The following GRIK4 variants were observed in gnomAD, a reference collection of about 807,000 sequenced individuals.
GRIK4 encodes glutamate receptor ionotropic, kainate 4.
Under a neutral mutation model 104.9 loss-of-function variants are expected in GRIK4, and 40 were observed. The observed-to-expected ratio is 0.38, with a 90% CI of 0.30 to 0.50. GRIK4 has a LOEUF of 0.50. Among genes scored for constraint, GRIK4 ranks in the 20% least tolerant of loss-of-function variants. The pLI, the probability that GRIK4 is intolerant of heterozygous loss-of-function variation, is 0.93. For synonymous variants in GRIK4, 485 were observed against 524.9 expected (o/e 0.92, Z 1.04); for missense variants, 1,047 against 1,308.1 (o/e 0.80, Z 3.08).
In GRIK4 at chr11:120,549,932, A is replaced by G. The variant is rs1172558037; in HGVS notation, c.-159+38045A>G. 6.6e-6 allele frequency among the ~76,000 whole-genome samples: 1 copy of G among 151,998 alleles called. No homozygotes were observed. Among genetic ancestry groups the G allele is most frequent in the African/African-American group, 2.4e-5 (1 of 41,374 alleles). On this transcript the variant is annotated intron_variant, in intron 1 of 20. Transcript: ENST00000527524. The surrounding 1 kb of genome is among the most constrained non-coding windows in gnomAD (Gnocchi z 4.7). ...TCAGCCATTTTGCTATCAATAAATT[A>G]CTCTTTATCATTTAAGGCAGTTTGA...
At chr11:120,798,135 AAG>A (rs1769551388) in intron 3 of GRIK4, among the ~76,000 whole-genome samples, 1 of 150,514 alleles carries the variant, frequency 6.6e-6, no homozygotes, top group South Asian at 2.1e-4. Context: ...CGGAGAGAAA[AAG>A]AGAGTGAGCT....
At chr11:120,768,416 G>A (rs1235556178) in intron 3 of GRIK4, among the ~76,000 whole-genome samples, 1 of 152,028 alleles carries the variant, frequency 6.6e-6, no homozygotes, top group Non-Finnish European at 1.5e-5. Flanking sequence ...CAACTTTACT[G>A]AATTCATTTA....
intron 1 of GRIK4, among the ~76,000 whole-genome samples, chr11:120,529,808 G>A (rs532933460): frequency 1.3e-5 from 2 of 152,212 alleles, no homozygotes; most frequent in African/African-American, 4.8e-5. Context: ...CAACAAAGGT[G>A]CTTTCACATC....
At chr11:120,762,616 A>G (rs1211526270) in intron 3 of GRIK4, among the ~76,000 whole-genome samples, 2 of 152,194 alleles carry the variant, frequency 1.3e-5, no homozygotes, top group African/African-American at 4.8e-5. Context: ...CGTTCCATCA[A>G]TACCTAGTTT....
At position 120,632,771 on chromosome 11, in the gene GRIK4, C is replaced by A. The variant is rs116296182; in HGVS notation, c.-158-20914C>A. 1.2e-3 allele frequency among the ~76,000 whole-genome samples: 180 copies of A among 152,188 alleles called. 1 individual carries two copies. The highest frequency in any genetic ancestry group is 4.2e-3 in the African/African-American group (176 of 41,540). On this transcript the variant is annotated intron_variant, in intron 1 of 20. Transcript: ENST00000527524. Reference sequence around the variant, plus strand: ...CCCTTGCACTACCACCAGCATCCCCCAGAGGCTTCTGTGTGCTCAGAGTTG... The same window carrying A: ...CCCTTGCACTACCACCAGCATCCCCAAGAGGCTTCTGTGTGCTCAGAGTTG...
rs115466647 is a variant in GRIK4, at chr11:120,797,530, C to T, written c.83-5163C>T. Among the ~76,000 whole-genome samples the T allele has an allele frequency of 6.3e-3, 958 of 152,304 alleles. 18 individuals carry two copies. The highest frequency in any genetic ancestry group is 0.022 in the African/African-American group (921 of 41,542). On this transcript the variant is annotated intron_variant, in intron 3 of 20. Transcript: ENST00000527524. ...TCTGGTGTCCCAAGAGTGCCTGAGC[C>T]TCCACCTTGTCTTTGATGTCCACAG... is the stretch of plus-strand genomic sequence containing the variant.
At chr11:120,796,160 C>A (rs141455120) in intron 3 of GRIK4, among the ~76,000 whole-genome samples, 53 of 151,358 alleles carry the variant, frequency 3.5e-4, no homozygotes, top group African/African-American at 1.2e-3. Flanking sequence ...TTCAGCCTCC[C>A]GAGTAGCTGG....
At chr11:120,750,114 G>A (rs1356567792) in intron 3 of GRIK4, among the ~76,000 whole-genome samples, 1 of 152,068 alleles carries the variant, frequency 6.6e-6, no homozygotes, top group Admixed American at 6.6e-5. Context: ...GGAGTTCACA[G>A]GCTACTTTGT....
chr11:120,636,078 G>T (rs1949393374), intron 1 of GRIK4, among the ~76,000 whole-genome samples: 1 of 152,202 alleles, frequency 6.6e-6, no homozygotes, highest in Admixed American at 6.5e-5. Context: ...TGTTGGTGAG[G>T]TTCACCCATG....
chr11:120,693,959 C>T (rs1324640717), intron 3 of GRIK4, among the ~76,000 whole-genome samples: 1 of 152,146 alleles, frequency 6.6e-6, no homozygotes, highest in Non-Finnish European at 1.5e-5. Context: ...TGTCTTAGCA[C>T]CATTTTCTGT....
At chr11:120,558,156 TCA>T (rs998631811) in intron 1 of GRIK4, among the ~76,000 whole-genome samples, 2 of 151,992 alleles carry the variant, frequency 1.3e-5, no homozygotes, top group African/African-American at 2.4e-5. Flanking sequence ...TCTCTGAGCC[TCA>T]GTTTTCTTAT....
chr11:120,677,160 G>A (rs1950111444), intron 3 of GRIK4, among the ~76,000 whole-genome samples: 1 of 152,200 alleles, frequency 6.6e-6, no homozygotes, highest in Non-Finnish European at 1.5e-5. Context: ...CTGGGAAGGG[G>A]CTGTGTAACA....
intron 13 of GRIK4, among the ~76,000 whole-genome samples, chr11:120,918,896 A>T (rs1478495323): frequency 6.6e-6 from 1 of 152,200 alleles, no homozygotes; most frequent in Non-Finnish European, 1.5e-5. Flanking sequence ...GGCATTTATC[A>T]TGCATCATTT....
intron 3 of GRIK4, among the ~76,000 whole-genome samples, chr11:120,775,188 C>T (rs1326293083): frequency 1.3e-5 from 2 of 152,118 alleles, no homozygotes; most frequent in South Asian, 4.1e-4. Context: ...TGTATTTCTT[C>T]TGCCTCTGGT....
intron 5 of GRIK4, among the ~76,000 whole-genome samples, chr11:120,816,471 C>A (rs370038876): frequency 1.3e-5 from 2 of 152,108 alleles, no homozygotes; most frequent in Non-Finnish European, 2.9e-5. Context: ...CCTGGAGGCT[C>A]AGCCTTCCAG....
At chr11:120,887,105 CTTTCCTT>C (rs1215387556) in intron 11 of GRIK4, among the ~76,000 whole-genome samples, 1 of 152,246 alleles carries the variant, frequency 6.6e-6, no homozygotes, top group Non-Finnish European at 1.5e-5. Flanking sequence ...TCTAAAGCCT[CTTTCCTT>C]TTTCCTTAGT....
chr11:120,514,876 C>T, intron 1 of GRIK4: 1 of 431,948 alleles, frequency 2.3e-6, no homozygotes, highest in African/African-American at 2.0e-5. Flanking sequence ...GCCGTGGTCC[C>T]TACTTGGGCC....
At chr11:120,850,886 G>A (rs978678132) in intron 8 of GRIK4, among the ~76,000 whole-genome samples, 1 of 151,536 alleles carries the variant, frequency 6.6e-6, no homozygotes, top group African/African-American at 2.4e-5. Flanking sequence ...AGCAATTGCT[G>A]TTATTATTAA....
At chr11:120,916,782 C>T (rs760080445) in intron 13 of GRIK4, among the ~76,000 whole-genome samples, 31 of 152,324 alleles carry the variant, frequency 2.0e-4, no homozygotes, top group Admixed American at 7.2e-4. Context: ...CGTGTTTAGA[C>T]TTGAGTCTCA....
Sources: allele counts gnomAD v4.1 joint callset (sites outside exome capture counted in the v4.1 genomes callset), GRCh38; gene constraint gnomAD v4.1.1; non-coding constraint Gnocchi (gnomAD v3.1); transcripts MANE v1.5; gene names NCBI Gene and HGNC (gene_info 2026-07-23, HGNC 2026-07-21).